LATS2: variants seen among roughly 807,000 people sequenced by gnomAD.
LATS2 encodes the protein serine/threonine-protein kinase LATS2.
A neutral mutation model predicts 76.0 loss-of-function variants in LATS2; 24 were observed. That is an observed-to-expected ratio of 0.32 (90% confidence interval 0.23 to 0.44). The LOEUF is 0.44. LATS2 is among the 20% of genes least tolerant of loss of function. LATS2 has a pLI of 1.00. For missense variants in LATS2, 1,286 were observed against 1,481.2 expected (o/e 0.87, Z 2.16); for synonymous variants, 692 against 635.4 (o/e 1.09, Z -1.34).
chr13:20,994,841 T>A (rs1870676113), intron 2 of LATS2, among the ~76,000 whole-genome samples: 1 of 122,964 alleles, frequency 8.1e-6, no homozygotes, highest in African/African-American at 3.0e-5. Context: ...GGCAACAAAG[T>A]AAGAATGTGT....
chr13:20,981,657 A>C lies in LATS2; in HGVS notation c.2483-9T>G, dbSNP rs1869895457. 2 of 1,587,916 alleles carry C rather than the reference A, an allele frequency of 1.3e-6. No homozygotes were observed. Among genetic ancestry groups the C allele is most frequent in the Non-Finnish European group, 1.7e-6 (2 of 1,168,714 alleles). On this transcript the variant is annotated splice_polypyrimidine_tract_variant and intron_variant, in intron 5 of 7. Coordinates refer to ENST00000382592, the MANE Select transcript of LATS2 (RefSeq NM_014572.3). Reference sequence around the variant, plus strand: ...CTGTCTGACATGGCTCCCTTCACCCAGGAATCAGGGATAGTGAAAGAAAAG... The same window carrying C: ...CTGTCTGACATGGCTCCCTTCACCCCGGAATCAGGGATAGTGAAAGAAAAG...
At chr13:20,992,281 G>C (rs1870539741) in intron 2 of LATS2, among the ~76,000 whole-genome samples, 2 of 152,204 alleles carry the variant, frequency 1.3e-5, no homozygotes, top group Non-Finnish European at 2.9e-5. Flanking sequence ...ACCCACAGAT[G>C]GGGGCCAGGC....
chr13:20,973,200 G>T lies in LATS2; in HGVS notation c.*1670C>A, dbSNP rs1869417664. 4.3e-6 allele frequency: 1 copy of T among 232,570 alleles called. No homozygotes were observed. Among genetic ancestry groups the T allele is most frequent in the Admixed American group, 5.6e-5 (1 of 17,728 alleles). The allele number at this position is 232,570 out of a possible 1,614,324, so 14.4% of individuals were successfully genotyped here. On this transcript the variant is annotated 3_prime_UTR_variant, in exon 8 of 8. Transcript: ENST00000382592. ...ACATGGCACGACTATAAAATAGCGA[G>T]AATACTGACAGTCACGACGACAGGC...
intron 2 of LATS2, among the ~76,000 whole-genome samples, chr13:21,000,744 C>A (rs1330837014): frequency 6.6e-6 from 1 of 152,138 alleles, no homozygotes; most frequent in Non-Finnish European, 1.5e-5. Context: ...AAAACTCTAA[C>A]AAATCTACCA....
At chr13:21,045,577 A>G (rs1873040631) in intron 2 of LATS2, 108 bp downstream of exon 2, 4 of 781,364 alleles carry the variant, frequency 5.1e-6, no homozygotes, top group South Asian at 3.7e-5. Flanking sequence ...AAACACTTGT[A>G]TAAGTAGTAA....
chr13:21,024,093 CAAAAA>C (rs748881098), intron 2 of LATS2, among the ~76,000 whole-genome samples: 1 of 79,238 alleles, frequency 1.3e-5, no homozygotes, highest in African/African-American at 4.4e-5. Flanking sequence ...TCTCGCTGTG[CAAAAA>C]AAAAAAAAAA....
At chr13:21,033,315 G>A (rs1872594452) in intron 2 of LATS2, among the ~76,000 whole-genome samples, 1 of 151,736 alleles carries the variant, frequency 6.6e-6, no homozygotes, top group African/African-American at 2.4e-5. Flanking sequence ...CTGGTGTAGA[G>A]GAAAGAATTT....
At chr13:21,056,661 C>T (rs965743382) in intron 1 of LATS2, among the ~76,000 whole-genome samples, 10 of 152,176 alleles carry the variant, frequency 6.6e-5, no homozygotes, top group South Asian at 6.2e-4. Flanking sequence ...GTTTTGGATA[C>T]GCTCCAGCTA....
chr13:20,987,769 G>T, intron 4 of LATS2, 112 bp downstream of exon 4: 1 of 1,276,900 alleles, frequency 7.8e-7, no homozygotes. Flanking sequence ...CCCATTAGCC[G>T]TTTTGATGAT....
chr13:21,045,893 G>T lies in LATS2; in HGVS notation c.134C>A (p.Thr45Asn), dbSNP rs751006272. The change falls in exon 2 of 8, where the codon ACT (threonine) becomes AAT (asparagine). Residue 45 changes from threonine to asparagine, a missense_variant. Coordinates refer to ENST00000382592, the MANE Select transcript of LATS2 (RefSeq NM_014572.3). ...CCCCAGGACTTTGGCATCCAGGGAAGTGTCACTGTTTGGTCCTGCGGGTAG... is the reference window on the plus strand; with the variant it reads ...CCCCAGGACTTTGGCATCCAGGGAATTGTCACTGTTTGGTCCTGCGGGTAG... Reference protein sequence around the residue: ...QGLPAGPNSDTSLDAKVLGSK... With the variant: ...QGLPAGPNSDNSLDAKVLGSK... 5 of 1,614,098 alleles carry T rather than the reference G, an allele frequency of 3.1e-6. No homozygotes were observed. Among genetic ancestry groups the T allele is most frequent in the East Asian group, 2.2e-5 (1 of 44,894 alleles).
At chr13:21,049,258 GA>G (rs1873179129) in intron 1 of LATS2, among the ~76,000 whole-genome samples, 1 of 152,216 alleles carries the variant, frequency 6.6e-6, no homozygotes, top group Non-Finnish European at 1.5e-5. Context: ...ACTCAGTGCA[GA>G]GGATGGGCAG....
intron 2 of LATS2, among the ~76,000 whole-genome samples, chr13:20,993,192 C>G (rs574981412): frequency 2.6e-5 from 4 of 152,184 alleles, no homozygotes; most frequent in Non-Finnish European, 4.4e-5. Context: ...TGTCCCCCAC[C>G]TCTGGATAGG....
chr13:21,045,954 C>G lies in LATS2; in HGVS notation c.73G>C (p.Gly25Arg). ...GAAGACTTGGATGGCTGTTTTAACC[C>G]CTCACGAATCTCTTGCAGTCGCTGC... Reference protein sequence around the residue: ...SRQRLQEIREGLKQPSKSSVQ... With the variant: ...SRQRLQEIRERLKQPSKSSVQ... Residue 25 changes from glycine to arginine, a missense_variant, in exon 2 of 8, where the codon GGG (glycine) becomes CGG (arginine). Coordinates refer to ENST00000382592, the MANE Select transcript of LATS2 (RefSeq NM_014572.3). 1 of 1,614,118 alleles carries G rather than the reference C, an allele frequency of 6.2e-7. No individual in the cohort carries two copies. The highest frequency in any genetic ancestry group is 8.5e-7 in the Non-Finnish European group (1 of 1,180,034).
At chr13:20,987,847 G>A in intron 4 of LATS2, 34 bp downstream of exon 4, 5 of 1,596,498 alleles carry the variant, frequency 3.1e-6, no homozygotes, top group Non-Finnish European at 2.6e-6. Flanking sequence ...GGGATGAGCC[G>A]GGAACAAATA....
intron 1 of LATS2, among the ~76,000 whole-genome samples, chr13:21,055,001 T>C (rs939632909): frequency 6.6e-6 from 1 of 152,222 alleles, no homozygotes; most frequent in African/African-American, 2.4e-5. Flanking sequence ...AAATAGTACC[T>C]ACGGATAAAC....
intron 6 of LATS2, among the ~76,000 whole-genome samples, chr13:20,980,872 C>G (rs944794104): frequency 1.3e-5 from 2 of 152,210 alleles, no homozygotes; most frequent in Non-Finnish European, 2.9e-5. Context: ...GTGGACCATG[C>G]AGGATCACTG....
intron 1 of LATS2, among the ~76,000 whole-genome samples, chr13:21,056,314 C>A (rs1376398894): frequency 6.6e-6 from 1 of 152,012 alleles, no homozygotes; most frequent in Admixed American, 6.6e-5. Flanking sequence ...GCTGGAATTA[C>A]GGGCATGAGC....
At chr13:20,985,086 G>A (rs190654609) in intron 4 of LATS2, among the ~76,000 whole-genome samples, 1 of 152,264 alleles carries the variant, frequency 6.6e-6, no homozygotes, top group Admixed American at 6.5e-5. Context: ...ATATCCATAT[G>A]CAGAAGAATG....
intron 2 of LATS2, among the ~76,000 whole-genome samples, chr13:21,010,346 T>C (rs1170258303): frequency 6.6e-6 from 1 of 152,072 alleles, no homozygotes; most frequent in Non-Finnish European, 1.5e-5. Context: ...AGATCTCTTC[T>C]GGTAAAACCG....
Sources: gnomAD v4.1 joint callset for allele counts (sites outside exome capture counted in the v4.1 genomes callset) on GRCh38, gnomAD v4.1.1 for gene constraint, MANE v1.5 for transcripts, NCBI Gene and HGNC (gene_info 2026-07-23, HGNC 2026-07-21) for gene names.